The following B3GALT1 variants were observed in gnomAD, a reference collection of about 807,000 sequenced individuals.
B3GALT1 encodes UDP-Gal:betaGlcNAc beta 1,3-galactosyltransferase, polypeptide 1.
B3GALT1 carries 10 observed loss-of-function variants against 23.2 expected under a neutral mutation model. The observed-to-expected ratio is 0.43, with a 90% CI of 0.27 to 0.73. B3GALT1 has a LOEUF of 0.73. Ranked by LOEUF, B3GALT1 falls within the 30% of genes least tolerant of loss-of-function variation. The probability of loss-of-function intolerance (pLI) is 0.21; values close to 1 mark genes in which losing one functional copy is unlikely to be tolerated. For synonymous variants in B3GALT1, 156 were observed against 141.5 expected, an observed-to-expected ratio of 1.10 and a Z score of -0.73; for missense variants, 299 against 405.4, an observed-to-expected ratio of 0.74 and a Z score of 2.25.
chr2:167,778,727 C>T (rs1343448796), intron 3 of B3GALT1, among the ~76,000 whole-genome samples: 1 of 152,158 alleles, frequency 6.6e-6, no homozygotes, highest in Non-Finnish European at 1.5e-5. Context: ...CACATGTTCA[C>T]AAGGAAAAAA....
At position 167,870,205 on chromosome 2, in the gene B3GALT1, T is replaced by C. The variant is rs1403114914; in HGVS notation, c.*185T>C. The C allele has an allele frequency of 1.7e-6, 1 of 580,332 alleles. No individual in the cohort carries two copies. The highest frequency in any genetic ancestry group is 3.0e-6 in the Non-Finnish European group (1 of 338,214). The allele number at this position is 580,332 out of a possible 1,614,324, so 35.9% of individuals were successfully genotyped here. On this transcript the variant is annotated 3_prime_UTR_variant, in exon 5 of 5. Coordinates refer to ENST00000392690, the MANE Select transcript of B3GALT1 (RefSeq NM_020981.4). ...TGTTAGACTCTGGTCATAGAAACAA[T>C]AAATGAGTTAGAAGGGCCAGATTTC...
chr2:167,570,580 G>C (rs150567619), intron 2 of B3GALT1, among the ~76,000 whole-genome samples: 297 of 151,986 alleles, frequency 2.0e-3, no homozygotes, highest in African/African-American at 6.9e-3. Context: ...TGATATATTA[G>C]CTATTAATCA....
intron 4 of B3GALT1, among the ~76,000 whole-genome samples, chr2:167,830,351 G>A (rs987930367): frequency 1.3e-5 from 2 of 151,458 alleles, no homozygotes; most frequent in Non-Finnish European, 2.9e-5. Flanking sequence ...CGGGAACAGG[G>A]CAGGGTAGGG....
chr2:167,358,919 C>T lies in B3GALT1; in HGVS notation c.-511+65585C>T, dbSNP rs115334387. 7.8e-3 allele frequency among the ~76,000 whole-genome samples: 1,191 copies of T among 152,148 alleles called. 21 individuals are homozygous for T. Among genetic ancestry groups the T allele is most frequent in the African/African-American group, 0.027 (1,136 of 41,524 alleles). On this transcript the variant is annotated intron_variant, in intron 1 of 4. Coordinates refer to ENST00000392690, the MANE Select transcript of B3GALT1 (RefSeq NM_020981.4). ...CTGGGTTCAAGCGATTCCACTGCCT[C>T]GCCTCCCAAGTAGCTGGGACTACAG... is the stretch of plus-strand genomic sequence containing the variant.
At chr2:167,866,988 G>A (rs530512932) in intron 4 of B3GALT1, among the ~76,000 whole-genome samples, 95 of 151,638 alleles carry the variant, frequency 6.3e-4, no homozygotes, top group East Asian at 1.9e-3. Flanking sequence ...GTGCAGTGGC[G>A]CAATCTCAGC....
chr2:167,343,264 CAA>C (rs1697177278), intron 1 of B3GALT1, among the ~76,000 whole-genome samples: 1 of 152,076 alleles, frequency 6.6e-6, no homozygotes, highest in African/African-American at 2.4e-5. Flanking sequence ...TCCAAACATG[CAA>C]AGAGTTATTT....
intron 4 of B3GALT1, among the ~76,000 whole-genome samples, chr2:167,847,419 T>C (rs1247419022): frequency 3.3e-5 from 5 of 152,228 alleles, no homozygotes; most frequent in African/African-American, 9.6e-5. Context: ...AAACTGGAAA[T>C]CAACTCCAAA....
At chr2:167,408,577 G>GA (rs1457474518) in intron 1 of B3GALT1, among the ~76,000 whole-genome samples, 1 of 151,832 alleles carries the variant, frequency 6.6e-6, no homozygotes, top group Non-Finnish European at 1.5e-5. Flanking sequence ...GTTAAACCTA[G>GA]AAAAACCCAC....
intron 2 of B3GALT1, among the ~76,000 whole-genome samples, chr2:167,566,877 A>G (rs59719868): frequency 0.01 from 1,539 of 152,290 alleles, 22 homozygotes; most frequent in African/African-American, 0.035. Flanking sequence ...CTCTCCCCTT[A>G]ACATGTTCTT....
At chr2:167,567,066 A>G (rs988827536) in intron 2 of B3GALT1, among the ~76,000 whole-genome samples, 2 of 152,182 alleles carry the variant, frequency 1.3e-5, no homozygotes, top group Non-Finnish European at 2.9e-5. Context: ...AGGTTTGAGA[A>G]AGCACTTGTG....
Position 167,301,232 on chromosome 2 carries a change from C to G in B3GALT1, c.-511+7898C>G, listed in dbSNP as rs553392793. Among the ~76,000 whole-genome samples the G allele has an allele frequency of 4.6e-5, 7 of 152,204 alleles. No individual in the cohort carries two copies. The South Asian group carries it at 1.0e-3, about 23-fold the overall frequency. On this transcript the variant is annotated intron_variant, in intron 1 of 4. Transcript: ENST00000392690. ...TCAGTTGCATGCTATAGAAATCAGTCATGACTAAATTAAGGAATAAGATCC... is the reference window on the plus strand; with the variant it reads ...TCAGTTGCATGCTATAGAAATCAGTGATGACTAAATTAAGGAATAAGATCC...
At chr2:167,737,397 C>G (rs1405196415) in intron 3 of B3GALT1, among the ~76,000 whole-genome samples, 1 of 152,220 alleles carries the variant, frequency 6.6e-6, no homozygotes, top group African/African-American at 2.4e-5. Context: ...CATAGCTGAT[C>G]AAATAATTAT....
intron 2 of B3GALT1, among the ~76,000 whole-genome samples, chr2:167,571,106 C>G (rs1035494729): frequency 2.6e-5 from 4 of 151,898 alleles, no homozygotes; most frequent in African/African-American, 9.7e-5. Context: ...GTATCACATT[C>G]TAAAAGAAAT....
intron 3 of B3GALT1, among the ~76,000 whole-genome samples, chr2:167,705,983 A>G (rs912294401): frequency 1.3e-5 from 2 of 152,226 alleles, no homozygotes; most frequent in African/African-American, 2.4e-5. Flanking sequence ...TAGAGGCAAG[A>G]GGACCCATAC....
intron 1 of B3GALT1, among the ~76,000 whole-genome samples, chr2:167,377,578 A>G (rs1221893701): frequency 6.6e-6 from 1 of 152,118 alleles, no homozygotes; most frequent in Non-Finnish European, 1.5e-5. Context: ...TCATGATGTA[A>G]TGCTCTTCTT....
At chr2:167,865,095 C>G (rs899168824) in intron 4 of B3GALT1, among the ~76,000 whole-genome samples, 1 of 152,114 alleles carries the variant, frequency 6.6e-6, no homozygotes, top group Non-Finnish European at 1.5e-5. Context: ...CAGAAAATCA[C>G]GCGGAAAAGT....
At chr2:167,820,407 TG>T (rs1396028891) in intron 4 of B3GALT1, among the ~76,000 whole-genome samples, 1 of 152,114 alleles carries the variant, frequency 6.6e-6, no homozygotes, top group African/African-American at 2.4e-5. Context: ...CTTGGGGCTA[TG>T]GGATGTGGGA....
intron 2 of B3GALT1, among the ~76,000 whole-genome samples, chr2:167,635,325 A>C (rs1424993364): frequency 6.6e-6 from 1 of 152,150 alleles, no homozygotes; most frequent in African/African-American, 2.4e-5. Flanking sequence ...CTCCTGTTCA[A>C]AACAGTATTG....
chr2:167,502,490 G>A (rs967024136), intron 2 of B3GALT1, among the ~76,000 whole-genome samples: 2 of 152,148 alleles, frequency 1.3e-5, no homozygotes, highest in Admixed American at 6.5e-5. Flanking sequence ...CTTGCATCAC[G>A]GTTCCACAGG....
Sources: gnomAD v4.1 joint callset for allele counts (sites outside exome capture counted in the v4.1 genomes callset) on GRCh38, gnomAD v4.1.1 for gene constraint, MANE v1.5 for transcripts, NCBI Gene and HGNC (gene_info 2026-07-23, HGNC 2026-07-21) for gene names.